UGT1A8: variants seen among roughly 807,000 people sequenced by gnomAD.
UGT1A8 encodes UDP glucuronosyltransferase family 1 member A8.
Under a neutral mutation model 45.3 loss-of-function variants are expected in UGT1A8, and 39 were observed. The observed-to-expected ratio is 0.86, with a 90% CI of 0.67 to 1.12. UGT1A8 has a LOEUF of 1.12. Among genes scored for constraint, UGT1A8 ranks in the 50% most tolerant of loss-of-function variants. UGT1A8 has a pLI of 0.00. For missense variants in UGT1A8, 719 were observed against 664.9 expected, an observed-to-expected ratio of 1.08 and a Z score of -0.90; for synonymous variants, 275 against 249.2, an observed-to-expected ratio of 1.10 and a Z score of -0.97.
chr2:233,647,960 G>T, intron 1 of UGT1A8: 1 of 1,607,318 alleles, frequency 6.2e-7, no homozygotes, highest in Non-Finnish European at 8.5e-7. Flanking sequence ...TTCACCATGT[G>T]GTCGGTGGTG....
chr2:233,711,003 C>T (rs1366862423), intron 1 of UGT1A8, among the ~76,000 whole-genome samples: 1 of 152,174 alleles, frequency 6.6e-6, no homozygotes, highest in African/African-American at 2.4e-5. Context: ...CTATTGGATG[C>T]CTTTTTCTAT....
At chr2:233,627,493 A>G (rs1364061901) in intron 1 of UGT1A8, among the ~76,000 whole-genome samples, 1 of 152,046 alleles carries the variant, frequency 6.6e-6, no homozygotes, top group African/African-American at 2.4e-5. Context: ...TTCTTATAGC[A>G]ATGCTACACC....
At chr2:233,639,142 A>C (rs1218222562) in intron 1 of UGT1A8, among the ~76,000 whole-genome samples, 1 of 152,210 alleles carries the variant, frequency 6.6e-6, no homozygotes, top group Non-Finnish European at 1.5e-5. Flanking sequence ...ATAGAGGGAT[A>C]TCTATAAAAA....
At chr2:233,692,754 G>C (rs1306162834) in intron 1 of UGT1A8, 1 of 1,140,734 alleles carries the variant, frequency 8.8e-7, no homozygotes, top group Non-Finnish European at 1.2e-6. Context: ...GCAGACTTGT[G>C]GAGCTGAAGA....
chr2:233,756,052 G>C (rs1468615948), intron 1 of UGT1A8: 2 of 152,164 alleles, frequency 1.3e-5, no homozygotes, highest in Non-Finnish European at 2.9e-5. Flanking sequence ...AAACTCCACT[G>C]TACACTTGTG....
chr2:233,768,262 A>G lies in UGT1A8; in HGVS notation c.1118A>G (p.His373Arg), dbSNP rs1349037761. The change falls in exon 4 of 5, where the codon CAT becomes CGT. Residue 373 changes from histidine to arginine, a missense_variant. Physicochemically the swap from His to Arg is conservative, Grantham distance 29. Coordinates refer to ENST00000373450, the MANE Select transcript of UGT1A8 (RefSeq NM_019076.5). ...GCCTTTATCACCCATGCTGGTTCCC[A>G]TGGTGTTTATGAAAGCATATGCAAT... Reference protein sequence around the residue: ...TRAFITHAGSHGVYESICNGV... With the variant: ...TRAFITHAGSRGVYESICNGV... 1 of 1,614,138 alleles carries G rather than the reference A, an allele frequency of 6.2e-7. No individual in the cohort carries two copies. Among genetic ancestry groups the G allele is most frequent in the Non-Finnish European group, 8.5e-7 (1 of 1,180,018 alleles).
chr2:233,637,948 G>GT (rs1328290232), intron 1 of UGT1A8, among the ~76,000 whole-genome samples: 2 of 152,042 alleles, frequency 1.3e-5, no homozygotes, highest in Non-Finnish European at 2.9e-5. Flanking sequence ...ATACAATGTA[G>GT]TTTTTTAACC....
chr2:233,711,299 T>C (rs2076172959), intron 1 of UGT1A8, among the ~76,000 whole-genome samples: 1 of 152,116 alleles, frequency 6.6e-6, no homozygotes, highest in South Asian at 2.1e-4. Context: ...GAGTAGAAAT[T>C]AGATGACATT....
chr2:233,706,051 C>T (rs908394326), intron 1 of UGT1A8, among the ~76,000 whole-genome samples: 11 of 152,120 alleles, frequency 7.2e-5, no homozygotes, highest in Non-Finnish European at 1.3e-4. Flanking sequence ...GCCGAGATCA[C>T]GCCACTGCAT....
chr2:233,760,256 G>A (rs2125981290), intron 1 of UGT1A8: 1 of 1,610,940 alleles, frequency 6.2e-7, no homozygotes, highest in South Asian at 1.1e-5. Context: ...ATAAGTAGGA[G>A]AGGGCGAACC....
chr2:233,703,750 A>G (rs1269263963), intron 1 of UGT1A8, among the ~76,000 whole-genome samples: 1 of 152,074 alleles, frequency 6.6e-6, no homozygotes, highest in Non-Finnish European at 1.5e-5. Flanking sequence ...TAAATCTCAA[A>G]TGTATCTTCT....
chr2:233,719,094 G>T, intron 1 of UGT1A8: 7 of 1,614,206 alleles, frequency 4.3e-6, no homozygotes, highest in Non-Finnish European at 5.9e-6. Context: ...ATTTGATCGC[G>T]TTACGCTGGG....
chr2:233,654,938 A>T (rs899505622), intron 1 of UGT1A8, among the ~76,000 whole-genome samples: 1 of 152,202 alleles, frequency 6.6e-6, no homozygotes, highest in East Asian at 1.9e-4. Context: ...CTAAAAATAC[A>T]AAAATTAGCA....
At chr2:233,680,092 G>A (rs2074474623) in intron 1 of UGT1A8, among the ~76,000 whole-genome samples, 1 of 151,682 alleles carries the variant, frequency 6.6e-6, no homozygotes, top group Non-Finnish European at 1.5e-5. Context: ...GAAATGGCAG[G>A]CAATCATAGC....
At chr2:233,732,867 G>A (rs368077438) in intron 1 of UGT1A8, among the ~76,000 whole-genome samples, 9 of 150,836 alleles carry the variant, frequency 6.0e-5, no homozygotes, top group South Asian at 4.2e-4. Context: ...GTAGCTTGAT[G>A]GGTTTGGCAT....
At position 233,757,547 on chromosome 2, in the gene UGT1A8, T is replaced by TAC. The variant is rs1452370067; in HGVS notation, c.856-9486_856-9485insCA. Among the ~76,000 whole-genome samples, 65 of 133,940 alleles carry TAC rather than the reference T, an allele frequency of 4.9e-4. 6 individuals carry two copies. The highest frequency in any genetic ancestry group is 6.5e-4 in the Admixed American group (9 of 13,854). The allele number at this position is 133,940 out of a possible 152,430, so 87.9% of individuals were successfully genotyped here. On this transcript the variant is annotated intron_variant, in intron 1 of 4. Coordinates refer to ENST00000373450, the MANE Select transcript of UGT1A8 (RefSeq NM_019076.5). Reference sequence around the variant, plus strand: ...CTTGCCTGTAAGGAATATATATATATATATATATATATATGTATATATGAT... The same window carrying TAC: ...CTTGCCTGTAAGGAATATATATATATACATATATATATATATGTATATATGAT...
At chr2:233,701,446 G>T (rs1417753251) in intron 1 of UGT1A8, among the ~76,000 whole-genome samples, 5 of 152,056 alleles carry the variant, frequency 3.3e-5, no homozygotes, top group Non-Finnish European at 7.4e-5. Context: ...GAGACAGAAA[G>T]TTAACAAGGA....
At chr2:233,679,040 A>T (rs1299279940) in intron 1 of UGT1A8, among the ~76,000 whole-genome samples, 1 of 152,202 alleles carries the variant, frequency 6.6e-6, no homozygotes, top group Admixed American at 6.5e-5. Context: ...CTTTCATGAC[A>T]TTCTCTATCC....
At chr2:233,761,090 T>A in intron 1 of UGT1A8, 1 of 1,614,218 alleles carries the variant, frequency 6.2e-7, no homozygotes, top group Admixed American at 1.7e-5. Flanking sequence ...CCTAGGCCCA[T>A]CATGCCCAAT....
Sources: gnomAD v4.1 joint callset for allele counts (sites outside exome capture counted in the v4.1 genomes callset) on GRCh38, gnomAD v4.1.1 for gene constraint, MANE v1.5 for transcripts, NCBI Gene and HGNC (gene_info 2026-07-23, HGNC 2026-07-21) for gene names.